CA10: variants seen among roughly 807,000 people sequenced by gnomAD.
The protein encoded by CA10 is carbonic anhydrase 10 (inactive), also known as carbonic anhydrase-related protein 10.
A neutral mutation model predicts 44.2 loss-of-function variants in CA10; 14 were observed. The ratio of observed to expected loss-of-function variants is 0.32; its 90% CI spans 0.21 to 0.50. The LOEUF is 0.50. CA10 is among the 20% of genes least tolerant of loss of function. The probability of loss-of-function intolerance (pLI) is 0.99; values close to 1 mark genes in which losing one functional copy is unlikely to be tolerated. For missense variants in CA10, 350 were observed against 409.7 expected (o/e 0.85, Z 1.26); for synonymous variants, 159 against 141.6 (o/e 1.12, Z -0.87).
intron 4 of CA10, among the ~76,000 whole-genome samples, chr17:51,718,347 A>G (rs1431945611): frequency 6.6e-6 from 1 of 152,214 alleles, no homozygotes; most frequent in Non-Finnish European, 1.5e-5. Flanking sequence ...TCCAGGAAGA[A>G]GAGAGAGGCC....
intron 1 of CA10, among the ~76,000 whole-genome samples, chr17:52,112,579 A>C (rs1055491760): frequency 2.6e-5 from 4 of 152,232 alleles, no homozygotes; most frequent in Admixed American, 6.5e-5. Flanking sequence ...TCTATCACTT[A>C]TTAGCTGTGG....
rs1041655812 is a variant in CA10, at chr17:52,101,817, C to T, written c.62-29424G>A. ...ATTCCTAGGGTATAGATAAAATCAA[C>T]TTAAACATATATAGCATAGGGTTTA... is the stretch of plus-strand genomic sequence containing the variant. On this transcript the variant is annotated intron_variant, in intron 1 of 8. Transcript: ENST00000451037. 2.0e-5 allele frequency among the ~76,000 whole-genome samples: 3 copies of T among 152,258 alleles called. No individual in the cohort carries two copies. In the East Asian group the frequency reaches 5.8e-4, roughly 29 times the overall value.
chr17:52,119,986 C>A (rs1370860017), intron 1 of CA10, among the ~76,000 whole-genome samples: 1 of 152,132 alleles, frequency 6.6e-6, no homozygotes, highest in Non-Finnish European at 1.5e-5. Context: ...TAGTTCTGGG[C>A]AATTACCTTG....
At chr17:51,960,524 A>G (rs563683513) in intron 2 of CA10, among the ~76,000 whole-genome samples, 1 of 152,320 alleles carries the variant, frequency 6.6e-6, no homozygotes, top group South Asian at 2.1e-4. Flanking sequence ...CTTTACATAT[A>G]GAAAAAAATA....
intron 4 of CA10, among the ~76,000 whole-genome samples, chr17:51,691,193 T>C (rs546438783): frequency 6.6e-6 from 1 of 152,328 alleles, no homozygotes; most frequent in South Asian, 2.1e-4. Flanking sequence ...ATCAACAGTG[T>C]TTCAGGGTTC....
chr17:51,918,932 G>T (rs1456074652), intron 3 of CA10, among the ~76,000 whole-genome samples: 1 of 152,164 alleles, frequency 6.6e-6, no homozygotes, highest in Non-Finnish European at 1.5e-5. Context: ...TAATAAAGTT[G>T]TATCTATATG....
intron 1 of CA10, among the ~76,000 whole-genome samples, chr17:52,152,638 T>C (rs1989726806): frequency 6.6e-6 from 1 of 152,156 alleles, no homozygotes; most frequent in African/African-American, 2.4e-5. Flanking sequence ...TTTATAATAA[T>C]ATCTTAACAA....
chr17:51,747,197 A>G (rs946988738), intron 4 of CA10, among the ~76,000 whole-genome samples: 5 of 152,248 alleles, frequency 3.3e-5, no homozygotes, highest in African/African-American at 9.6e-5. Context: ...CTTATTTCAC[A>G]GTATGTTATA....
intron 3 of CA10, among the ~76,000 whole-genome samples, chr17:51,904,456 C>A (rs888082950): frequency 6.6e-6 from 1 of 152,044 alleles, no homozygotes; most frequent in African/African-American, 2.4e-5. Flanking sequence ...ACTCAATTAG[C>A]CACTGCAGCG....
chr17:51,661,552 G>T (rs145638848), intron 4 of CA10: 1 of 152,198 alleles, frequency 6.6e-6, no homozygotes, highest in Non-Finnish European at 1.5e-5. Context: ...CTTAGCCCAA[G>T]GCCTGGCATG....
At chr17:51,910,854 A>T (rs1981762894) in intron 3 of CA10, among the ~76,000 whole-genome samples, 1 of 152,210 alleles carries the variant, frequency 6.6e-6, no homozygotes, top group Non-Finnish European at 1.5e-5. Context: ...TTTGCAAAGC[A>T]AAATGAATCT....
At chr17:51,915,754 C>T (rs751447224) in intron 3 of CA10, among the ~76,000 whole-genome samples, 2 of 152,056 alleles carry the variant, frequency 1.3e-5, no homozygotes, top group Admixed American at 6.6e-5. Flanking sequence ...CCTCCCGGGC[C>T]GTTTTTAGCA....
At chr17:52,037,335 T>C (rs1759490679) in intron 2 of CA10, among the ~76,000 whole-genome samples, 2 of 151,974 alleles carry the variant, frequency 1.3e-5, no homozygotes, top group South Asian at 4.2e-4. Context: ...AGCATCCAAG[T>C]AGCTAAGAGA....
chr17:51,917,050 T>G (rs1032818149), intron 3 of CA10, among the ~76,000 whole-genome samples: 2 of 152,118 alleles, frequency 1.3e-5, no homozygotes, highest in Non-Finnish European at 2.9e-5. Flanking sequence ...CAACTCACCT[T>G]TCTTCTGGGA....
rs56120539 is a variant in CA10 at position 51,849,183 on chromosome 17, GTATATA to G, written c.279+81801_279+81806del. 7.2e-4 allele frequency among the ~76,000 whole-genome samples: 55 copies of G among 76,544 alleles called. No individual in the cohort carries two copies. In the East Asian group the frequency reaches 0.013, roughly 18 times the overall value. 50.2% of individuals were successfully genotyped at this position (76,544 alleles called of 152,430 possible). On this transcript the variant is annotated intron_variant, in intron 3 of 8. Coordinates refer to ENST00000451037, the MANE Select transcript of CA10 (RefSeq NM_020178.5). Reference sequence around the variant, plus strand: ...TATATGTATATATATATACATATATGTATATATATATATACATATATGTATATATAT... The same window carrying G: ...TATATGTATATATATATACATATATGTATATATACATATATGTATATATAT...
At chr17:51,670,518 A>T (rs949417438) in intron 4 of CA10, among the ~76,000 whole-genome samples, 4 of 151,460 alleles carry the variant, frequency 2.6e-5, no homozygotes, top group African/African-American at 9.7e-5. Context: ...AATCTCTGGG[A>T]CACCAACTCA....
intron 2 of CA10, among the ~76,000 whole-genome samples, chr17:51,974,140 C>T (rs999007447): frequency 4.6e-5 from 7 of 152,050 alleles, no homozygotes; most frequent in African/African-American, 1.7e-4. Context: ...AATCCCAGCA[C>T]TTTGGGAGGT....
chr17:51,931,824 G>GA (rs1223785457), intron 2 of CA10, among the ~76,000 whole-genome samples: 1 of 152,146 alleles, frequency 6.6e-6, no homozygotes. Flanking sequence ...AGTGTCACAT[G>GA]AAAACTTCTA....
intron 1 of CA10, among the ~76,000 whole-genome samples, chr17:52,082,067 G>A (rs1987998205): frequency 6.6e-6 from 1 of 152,120 alleles, no homozygotes. Flanking sequence ...AATTAAAGCT[G>A]TCTCAAGGGT....
Sources: gnomAD v4.1 joint callset for allele counts (sites outside exome capture counted in the v4.1 genomes callset) on GRCh38, gnomAD v4.1.1 for gene constraint, MANE v1.5 for transcripts, NCBI Gene and HGNC (gene_info 2026-07-23, HGNC 2026-07-21) for gene names.